The following LOC112694756 variants were observed in gnomAD, a reference collection of about 807,000 sequenced individuals.
the LOC112694756 span, among the ~76,000 whole-genome samples, chr16:30,062,552 C>CA: frequency 7.1e-6 from 1 of 141,720 alleles, no homozygotes; most frequent in Non-Finnish European, 1.5e-5. Context: ...AAAAAAAGTA[C>CA]AAAAAATGAG....
the LOC112694756 span, among the ~76,000 whole-genome samples, chr16:30,057,756 G>A: frequency 6.6e-6 from 1 of 152,088 alleles, no homozygotes; most frequent in Non-Finnish European, 1.5e-5. Flanking sequence ...AGGGCAAAAG[G>A]AGGAGACCTT....
chr16:30,067,196 T>G, the LOC112694756 span: 1 of 1,611,662 alleles, frequency 6.2e-7, no homozygotes, highest in Non-Finnish European at 8.5e-7. Context: ...TGGGAAACCC[T>G]AGCTAACTAG....
the LOC112694756 span, chr16:30,069,083 T>G: frequency 2.4e-5 from 37 of 1,551,708 alleles, no homozygotes; most frequent in Non-Finnish European, 3.1e-5. Flanking sequence ...AAAGCAAGCA[T>G]TAGCTTTGGC....
At chr16:30,066,832 C>T in the LOC112694756 span, 11 of 1,518,300 alleles carry the variant, frequency 7.2e-6, no homozygotes, top group Non-Finnish European at 9.8e-6. Context: ...GGGCCCTCTG[C>T]TTGATTCACG....
the LOC112694756 span, chr16:30,059,115 A>G: frequency 5.0e-6 from 2 of 397,812 alleles, no homozygotes; most frequent in Non-Finnish European, 8.9e-6. Context: ...GGCTGGGGCT[A>G]GAGTTTGTGA....
the LOC112694756 span, among the ~76,000 whole-genome samples, chr16:30,065,005 G>A: frequency 6.6e-6 from 1 of 152,276 alleles, no homozygotes; most frequent in Non-Finnish European, 1.5e-5. Flanking sequence ...GCCAGAGGCC[G>A]AGCAGCGGCC....
the LOC112694756 span, among the ~76,000 whole-genome samples, chr16:30,063,058 T>C: frequency 6.6e-6 from 1 of 151,760 alleles, no homozygotes; most frequent in Admixed American, 6.6e-5. Flanking sequence ...GCAGAACTAC[T>C]TGAACCCAGG....
the LOC112694756 span, among the ~76,000 whole-genome samples, chr16:30,065,035 T>C: frequency 6.6e-6 from 1 of 152,222 alleles, no homozygotes; most frequent in Non-Finnish European, 1.5e-5. Flanking sequence ...CCGCGCATTC[T>C]GGTTTTCTGT....
the LOC112694756 span, chr16:30,054,823 A>T: frequency 2.5e-6 from 1 of 399,080 alleles, no homozygotes; most frequent in Non-Finnish European, 4.4e-6. Flanking sequence ...GGCTCCTGTC[A>T]GCAGCCCTCC....
chr16:30,054,560 G>T, the LOC112694756 span: 25 of 367,962 alleles, frequency 6.8e-5, no homozygotes, highest in East Asian at 9.9e-4. Flanking sequence ...AGCCCTAGAA[G>T]ACTCTAGAAT....
chr16:30,068,513 G>A, the LOC112694756 span: 61 of 1,004,328 alleles, frequency 6.1e-5, no homozygotes, highest in Non-Finnish European at 9.2e-5. Context: ...TGAGGCGGGA[G>A]GATCACTTGA....
At chr16:30,068,708 C>T in the LOC112694756 span, 8 of 1,614,116 alleles carry the variant, frequency 5.0e-6, no homozygotes, top group Non-Finnish European at 6.8e-6. Flanking sequence ...AAGGTGAGAA[C>T]TGTTTGATTC....
At chr16:30,058,168 C>T in the LOC112694756 span, among the ~76,000 whole-genome samples, 1 of 152,190 alleles carries the variant, frequency 6.6e-6, no homozygotes, top group Admixed American at 6.5e-5. Flanking sequence ...AACCTGGAGA[C>T]ATCAGGCCCT....
the LOC112694756 span, among the ~76,000 whole-genome samples, chr16:30,061,812 G>T: frequency 2.0e-5 from 3 of 151,334 alleles, no homozygotes; most frequent in Non-Finnish European, 4.4e-5. Flanking sequence ...CGCCCACCTT[G>T]GCCTCCCAAG....
the LOC112694756 span, chr16:30,064,451 G>A: frequency 2.5e-6 from 1 of 398,662 alleles, no homozygotes; most frequent in African/African-American, 2.1e-5. Context: ...TATTTCTCTT[G>A]ACAACCAAGG....
chr16:30,069,767 C>G, the LOC112694756 span: 3 of 1,611,768 alleles, frequency 1.9e-6, no homozygotes, highest in South Asian at 3.3e-5. Flanking sequence ...CAACTTCCAC[C>G]AGCTCCTGCC....
At chr16:30,069,532 C>T in the LOC112694756 span, 13 of 1,614,102 alleles carry the variant, frequency 8.1e-6, no homozygotes, top group Non-Finnish European at 1.1e-5. Flanking sequence ...TCTGAGTGAC[C>T]ACCACATCTA....
the LOC112694756 span, among the ~76,000 whole-genome samples, chr16:30,057,547 G>A: frequency 2.0e-5 from 3 of 152,302 alleles, no homozygotes; most frequent in African/African-American, 7.2e-5. Context: ...CCTTGGAGTG[G>A]TGACATTCCT....
chr16:30,060,622 T>C, the LOC112694756 span, among the ~76,000 whole-genome samples: 1 of 152,134 alleles, frequency 6.6e-6, no homozygotes, highest in East Asian at 1.9e-4. Flanking sequence ...CAAGAAATGC[T>C]TTTAATACCC....
Sources: gnomAD v4.1 joint callset for allele counts (sites outside exome capture counted in the v4.1 genomes callset) on GRCh38, gnomAD v4.1.1 for gene constraint, MANE v1.5 for transcripts.